Variants in TMEM74 observed in about 807,000 individuals in gnomAD.
The protein encoded by TMEM74 is transmembrane protein 74.
Under a neutral mutation model 18.1 loss-of-function variants are expected in TMEM74, and 13 were observed. The ratio of observed to expected loss-of-function variants is 0.72; its 90% CI spans 0.47 to 1.14. The LOEUF is 1.14. Ranked by LOEUF, TMEM74 falls within the 50% of genes most tolerant of loss-of-function variation. The probability of loss-of-function intolerance (pLI) is 0.00; values close to 1 mark genes in which losing one functional copy is unlikely to be tolerated. For synonymous variants in TMEM74, 159 were observed against 146.6 expected (o/e 1.08, Z -0.61); for missense variants, 372 against 375.9 (o/e 0.99, Z 0.09).
chr8:108,721,922 G>A (rs1487243033), intron 1 of TMEM74, among the ~76,000 whole-genome samples: 2 of 151,998 alleles, frequency 1.3e-5, no homozygotes, highest in Non-Finnish European at 2.9e-5. Context: ...TTGCCCACTT[G>A]GCCCATCTTT....
chr8:108,718,974 A>ATATATACGTATATATACGTATATATACG lies in TMEM74; in HGVS notation n.120-63538_120-63537insCGTATATATACGTATATATACGTATATA, dbSNP rs11281406. Among the ~76,000 whole-genome samples the ATATATACGTATATATACGTATATATACG allele has an allele frequency of 5.4e-5, 8 of 149,216 alleles. No homozygotes were observed. In the East Asian group the frequency reaches 5.9e-4, roughly 11 times the overall value. On this transcript the variant is annotated intron_variant and non_coding_transcript_variant, in intron 1 of 3. Transcript: ENST00000518838. ...AGTTAATAACATTTTGTGTGTGTAT[A>ATATATACGTATATATACGTATATATACG]TATATATACGTATATATACGTATAT...
In TMEM74 at chr8:108,781,915, A is replaced by T. The variant is rs752881715; in HGVS notation, c.*2266T>A. Among the ~76,000 whole-genome samples, 2 of 152,172 alleles carry T rather than the reference A, an allele frequency of 1.3e-5. No individual in the cohort carries two copies. The highest frequency in any genetic ancestry group is 6.5e-5 in the Admixed American group (1 of 15,270). Reference sequence around the variant, plus strand: ...TTATCAAGTGAAAAGACCTCCTAACACTTGATTCCCAAACTCCTCTTCCTT... The same window carrying T: ...TTATCAAGTGAAAAGACCTCCTAACTCTTGATTCCCAAACTCCTCTTCCTT... On this transcript the variant is annotated 3_prime_UTR_variant, in exon 2 of 2. Transcript: ENST00000297459.
At chr8:108,690,587 G>C (rs993763577) in intron 1 of TMEM74, among the ~76,000 whole-genome samples, 3 of 151,772 alleles carry the variant, frequency 2.0e-5, no homozygotes, top group African/African-American at 7.3e-5. Flanking sequence ...AGGCCGAGGC[G>C]GGCAGATCAC....
chr8:108,622,620 G>T (rs187210419), intron 2 of TMEM74, among the ~76,000 whole-genome samples: 1 of 152,162 alleles, frequency 6.6e-6, no homozygotes, highest in Non-Finnish European at 1.5e-5. Flanking sequence ...TTCTGTAAAA[G>T]AGGAATAATG....
At chr8:108,674,911 G>A (rs112929098) in intron 1 of TMEM74, among the ~76,000 whole-genome samples, 4,470 of 152,238 alleles carry the variant, frequency 0.029, 122 homozygotes, top group African/African-American at 0.066. Flanking sequence ...AAATATCTCA[G>A]TTTGCTCTGC....
intron 1 of TMEM74, among the ~76,000 whole-genome samples, chr8:108,662,729 T>G (rs1034018697): frequency 6.6e-6 from 1 of 152,122 alleles, no homozygotes; most frequent in Non-Finnish European, 1.5e-5. Context: ...GATTTCTCTG[T>G]TTTGACCCCA....
intron 1 of TMEM74, among the ~76,000 whole-genome samples, chr8:108,678,611 G>T (rs1156498387): frequency 6.6e-6 from 1 of 150,428 alleles, no homozygotes; most frequent in East Asian, 1.9e-4. Flanking sequence ...GGCCTCAAGT[G>T]ATCCTCCCGC....
At chr8:108,677,197 G>T (rs2130595219) in intron 1 of TMEM74, among the ~76,000 whole-genome samples, 1 of 152,248 alleles carries the variant, frequency 6.6e-6, no homozygotes, top group South Asian at 2.1e-4. Flanking sequence ...GCATGGCTAG[G>T]AGTTGTCTGG....
At chr8:108,660,183 A>G (rs1251432742) in intron 1 of TMEM74, among the ~76,000 whole-genome samples, 1 of 151,898 alleles carries the variant, frequency 6.6e-6, no homozygotes, top group African/African-American at 2.4e-5. Flanking sequence ...TCTCTCTCCC[A>G]CCCCACTCAT....
chr8:108,646,173 G>C (rs1296713896), intron 2 of TMEM74, among the ~76,000 whole-genome samples: 2 of 151,628 alleles, frequency 1.3e-5, no homozygotes, highest in Non-Finnish European at 2.9e-5. Context: ...ACTGTATTAG[G>C]ATGTTTCAAA....
At chr8:108,765,497 C>T (rs1814095769) in intron 1 of TMEM74, among the ~76,000 whole-genome samples, 1 of 150,284 alleles carries the variant, frequency 6.7e-6, no homozygotes, top group Admixed American at 6.7e-5. Flanking sequence ...ACCTCCATCT[C>T]CTGGGTTCAA....
At chr8:108,644,264 G>C (rs1016700489) in intron 2 of TMEM74, among the ~76,000 whole-genome samples, 5 of 152,134 alleles carry the variant, frequency 3.3e-5, no homozygotes, top group East Asian at 1.9e-4. Context: ...ATGATTCCCT[G>C]TTCAATAAAT....
intron 1 of TMEM74, among the ~76,000 whole-genome samples, chr8:108,725,342 G>A (rs1196591867): frequency 6.6e-6 from 1 of 152,130 alleles, no homozygotes; most frequent in African/African-American, 2.4e-5. Context: ...AATAAGAGAT[G>A]CCTTGTTCAT....
intron 1 of TMEM74, among the ~76,000 whole-genome samples, chr8:108,762,848 C>A (rs1814061324): frequency 6.6e-6 from 1 of 151,960 alleles, no homozygotes; most frequent in Non-Finnish European, 1.5e-5. Context: ...TGAGGCCAGG[C>A]CGGGCAATGA....
intron 2 of TMEM74, among the ~76,000 whole-genome samples, chr8:108,624,824 G>A (rs767605334): frequency 6.6e-6 from 1 of 151,848 alleles, no homozygotes; most frequent in Admixed American, 6.6e-5. Flanking sequence ...TGTCTATAAC[G>A]TGCTGAATGA....
At chr8:108,747,981 G>T (rs1813867101) in intron 1 of TMEM74, among the ~76,000 whole-genome samples, 1 of 152,118 alleles carries the variant, frequency 6.6e-6, no homozygotes, top group Non-Finnish European at 1.5e-5. Context: ...TATTTAGGTT[G>T]ATTCCAAGTC....
At chr8:108,622,546 C>T (rs576694588) in intron 2 of TMEM74, among the ~76,000 whole-genome samples, 1 of 152,044 alleles carries the variant, frequency 6.6e-6, no homozygotes. Flanking sequence ...GTGTTGAGTT[C>T]CTGCTCCACT....
intron 1 of TMEM74, among the ~76,000 whole-genome samples, chr8:108,757,269 G>T (rs1008868686): frequency 6.6e-6 from 1 of 151,950 alleles, no homozygotes; most frequent in Admixed American, 6.6e-5. Flanking sequence ...CTAGTAGGTA[G>T]TAGATGGAGG....
chr8:108,731,236 C>A lies in TMEM74; in HGVS notation n.119+56240G>T, dbSNP rs570064833. 2.6e-5 allele frequency among the ~76,000 whole-genome samples: 4 copies of A among 151,648 alleles called. No homozygotes were observed. In the South Asian group the frequency reaches 6.3e-4, roughly 24 times the overall value. On this transcript the variant is annotated intron_variant and non_coding_transcript_variant, in intron 1 of 3. Transcript: ENST00000518838. ...GTTATCCACCACCGCCCCCCATCCC[C>A]CCCAAAAAAAGGACACAGTGAAGGG... is the stretch of plus-strand genomic sequence containing the variant.
Sources: allele counts gnomAD v4.1 joint callset (sites outside exome capture counted in the v4.1 genomes callset), GRCh38; gene constraint gnomAD v4.1.1; transcripts MANE v1.5; gene names NCBI Gene and HGNC (gene_info 2026-07-23, HGNC 2026-07-21).